KALRN: variants seen among roughly 807,000 people sequenced by gnomAD.
The protein encoded by KALRN is kalirin RhoGEF kinase, also known as kalirin.
A neutral mutation model predicts 353.7 loss-of-function variants in KALRN; 70 were observed. The observed-to-expected ratio is 0.20, with a 90% CI of 0.16 to 0.24. The LOEUF (loss-of-function observed/expected upper bound fraction) is 0.24. KALRN is among the 10% of genes least tolerant of loss of function. The pLI, the probability that KALRN is intolerant of heterozygous loss-of-function variation, is 1.00. For missense variants in KALRN, 2,791 were observed against 3,756.7 expected (o/e 0.74, Z 6.72); for synonymous variants, 1,391 against 1,434.8 (o/e 0.97, Z 0.69).
At chr3:124,282,378 TC>T (rs1195459831) in intron 5 of KALRN, among the ~76,000 whole-genome samples, 1 of 140,634 alleles carries the variant, frequency 7.1e-6, no homozygotes, top group Non-Finnish European at 1.6e-5. Flanking sequence ...CCTACATTTT[TC>T]TTTTTTTTTT....
At position 124,152,146 on chromosome 3, in the gene KALRN, G is replaced by T; in HGVS notation, c.74-75844G>T. On this transcript the variant is annotated intron_variant, in intron 1 of 59. Coordinates refer to ENST00000682506, the MANE Select transcript of KALRN (RefSeq NM_001388419.1). ...AGATCTCATGAATCAGATCCTTCCT[G>T]CAGATGATGCAAGAGATCGAACAAT... is the stretch of plus-strand genomic sequence containing the variant. 4 of 1,359,218 alleles carry T rather than the reference G, an allele frequency of 2.9e-6. No homozygotes were observed. In the Middle Eastern group the frequency reaches 9.9e-4, roughly 337 times the overall value. 84.2% of individuals were successfully genotyped at this position (1,359,218 alleles called of 1,614,324 possible). A position where few individuals can be genotyped will look rare whatever the true frequency, so the allele number is the denominator to read the frequency against.
At chr3:124,247,338 A>G (rs1157813807) in intron 3 of KALRN, among the ~76,000 whole-genome samples, 1 of 152,222 alleles carries the variant, frequency 6.6e-6, no homozygotes, top group Non-Finnish European at 1.5e-5. Context: ...AATTTAAGCA[A>G]CCAATAAGCA....
At chr3:124,465,177 G>T (rs138311259) in intron 25 of KALRN, among the ~76,000 whole-genome samples, 347 of 152,010 alleles carry the variant, frequency 2.3e-3, no homozygotes, top group African/African-American at 7.7e-3. Flanking sequence ...TATGCTTTCT[G>T]CTTGTGTCCT....
Position 124,694,415 on chromosome 3 carries a change from C to T in KALRN, c.7489C>T (p.Arg2497Trp), listed in dbSNP as rs774067123. The part of the protein sequence containing the change: ...TVILQCKVCG[R>W]PKPTITWKGP... ...GATACTGCAGTGCAAAGTCTGTGGG[C>T]GGCCAAAGCCCACCATCACTTGGAA... The change falls in exon 53 of 60, where the codon CGG becomes TGG. Residue 2497 changes from arginine (R) to tryptophan (W), a missense_variant. This residue lies in a region of KALRN where 1,065 missense variants were observed against 1,156.4 expected (regional missense o/e 0.92). Coordinates refer to ENST00000682506, the MANE Select transcript of KALRN (RefSeq NM_001388419.1). The T allele has an allele frequency of 8.1e-6, 13 of 1,614,116 alleles. 1 individual carries two copies. Among genetic ancestry groups the T allele is most frequent in the South Asian group, 2.2e-5 (2 of 91,074 alleles).
chr3:124,227,663 GTTTTTTTTTTT>G lies in KALRN; in HGVS notation c.74-295_74-285del, dbSNP rs747087120. On this transcript the variant is annotated intron_variant, in intron 1 of 59. Transcript: ENST00000682506. ...CAAGTTGCTCAATAGCAACAGGGCT[GTTTTTTTTTTT>G]TTTTTTTTTTTTTTTTTTTTTTTTT... 2.0e-3 allele frequency among the ~76,000 whole-genome samples: 137 copies of G among 69,248 alleles called. 2 individuals are homozygous for G. Among genetic ancestry groups the G allele is most frequent in the African/African-American group, 5.7e-3 (112 of 19,488 alleles). The allele number at this position is 69,248 out of a possible 152,430, so 45.4% of individuals were successfully genotyped here.
At chr3:124,670,257 T>TA (rs1186637965) in intron 47 of KALRN, among the ~76,000 whole-genome samples, 5 of 152,254 alleles carry the variant, frequency 3.3e-5, no homozygotes, top group African/African-American at 1.2e-4. Context: ...GTGCTGGGAT[T>TA]ACAGGCATGC....
rs531340161 is a variant in KALRN at position 124,698,849 on chromosome 3, G to A, written c.7832-1020G>A. Among the ~76,000 whole-genome samples the A allele has an allele frequency of 5.3e-5, 8 of 152,280 alleles. No homozygotes were observed. In the South Asian group the frequency reaches 1.2e-3, roughly 24 times the overall value. On this transcript the variant is annotated intron_variant, in intron 55 of 59. Transcript: ENST00000682506. ...TGCTAAAAGTGAATATATTTCTTCAGCAGTTAGAAACAACTGAGACTTCCA... is the reference window on the plus strand; with the variant it reads ...TGCTAAAAGTGAATATATTTCTTCAACAGTTAGAAACAACTGAGACTTCCA...
chr3:124,575,752 A>T (rs2074027657), intron 34 of KALRN, among the ~76,000 whole-genome samples: 1 of 152,036 alleles, frequency 6.6e-6, no homozygotes, highest in African/African-American at 2.4e-5. Context: ...TCCTCCTTCC[A>T]TGGTAATGTT....
intron 33 of KALRN, among the ~76,000 whole-genome samples, chr3:124,532,087 G>A (rs1445474562): frequency 6.6e-6 from 1 of 152,156 alleles, no homozygotes; most frequent in Non-Finnish European, 1.5e-5. Flanking sequence ...CTAACCAGTG[G>A]AGTTCTCTAT....
Position 124,718,993 on chromosome 3 carries a change from T to C in KALRN, c.8484T>C (p.Ala2828=), listed in dbSNP as rs2063294876. The part of the protein sequence containing the change: ...PRVKLIDLED[A]VQISGHFHIH... Reference sequence around the variant, plus strand: ...TGAAGCTCATTGACTTGGAGGATGCTGTCCAGATCTCGGGTCACTTCCACA... The same window carrying C: ...TGAAGCTCATTGACTTGGAGGATGCCGTCCAGATCTCGGGTCACTTCCACA... The change falls in exon 60 of 60, where the codon GCT becomes GCC. Residue 2828 remains alanine, a synonymous_variant. Coordinates refer to ENST00000682506, the MANE Select transcript of KALRN (RefSeq NM_001388419.1). 1 of 1,614,118 alleles carries C rather than the reference T, an allele frequency of 6.2e-7. No homozygotes were observed. The highest frequency in any genetic ancestry group is 1.1e-5 in the South Asian group (1 of 91,088).
chr3:124,446,664 C>T (rs1314105440), intron 20 of KALRN, 99 bp from the exon 21 acceptor site: 2 of 1,434,248 alleles, frequency 1.4e-6, no homozygotes, highest in Non-Finnish European at 9.6e-7. Context: ...TTTCCTGGGT[C>T]CATTAAGTTG....
intron 34 of KALRN, among the ~76,000 whole-genome samples, chr3:124,623,829 G>A (rs1207953154): frequency 1.3e-5 from 2 of 152,162 alleles, no homozygotes; most frequent in Admixed American, 1.3e-4. Flanking sequence ...AGTAGAAGAA[G>A]GACAATGTTT....
chr3:124,269,285 G>A (rs1211918661), intron 5 of KALRN, 30 bp downstream of exon 5: 3 of 1,552,640 alleles, frequency 1.9e-6, no homozygotes, highest in South Asian at 2.4e-5. Flanking sequence ...AACCTGAGCC[G>A]GGATGGGGGT....
At chr3:124,567,629 G>A (rs2073019394) in intron 34 of KALRN, among the ~76,000 whole-genome samples, 1 of 152,108 alleles carries the variant, frequency 6.6e-6, no homozygotes, top group South Asian at 2.1e-4. Context: ...AGCAGGTGGT[G>A]GAGGGCAGCA....
intron 48 of KALRN, among the ~76,000 whole-genome samples, chr3:124,673,318 C>T (rs758351571): frequency 2.0e-5 from 3 of 152,028 alleles, no homozygotes; most frequent in African/African-American, 7.2e-5. Context: ...CCTGGGAAGT[C>T]GAGGCTACAG....
chr3:124,555,629 T>C (rs944956515), intron 33 of KALRN, among the ~76,000 whole-genome samples: 1 of 151,924 alleles, frequency 6.6e-6, no homozygotes, highest in Non-Finnish European at 1.5e-5. Context: ...AAAAAAAAAT[T>C]AACAGTTATC....
chr3:124,612,291 C>T (rs1196648633), intron 34 of KALRN, among the ~76,000 whole-genome samples: 1 of 152,196 alleles, frequency 6.6e-6, no homozygotes, highest in Admixed American at 6.5e-5. Context: ...ACAACCTCTG[C>T]CTCCCGGATT....
chr3:124,242,654 C>T (rs1266486689), intron 3 of KALRN, among the ~76,000 whole-genome samples: 1 of 152,166 alleles, frequency 6.6e-6, no homozygotes, highest in East Asian at 1.9e-4. Context: ...GACTTCCTTT[C>T]CTGAAGCTTC....
chr3:124,087,566 C>T (rs1247291850), intron 1 of KALRN, among the ~76,000 whole-genome samples: 1 of 152,180 alleles, frequency 6.6e-6, no homozygotes, highest in Non-Finnish European at 1.5e-5. Context: ...TTACCTGTTA[C>T]ACTGTAACAA....
Sources: allele counts gnomAD v4.1 joint callset (sites outside exome capture counted in the v4.1 genomes callset), GRCh38; gene constraint gnomAD v4.1.1; regional missense constraint gnomAD v4.1.1; transcripts MANE v1.5; gene names NCBI Gene and HGNC (gene_info 2026-07-23, HGNC 2026-07-21).